Variants in XKR9 observed in about 807,000 individuals in gnomAD.
XKR9 encodes XK related 9.
In XKR9, 32 loss-of-function variants were observed where a neutral mutation model predicts 32.0. That is an observed-to-expected ratio of 1.00 (90% CI 0.76 to 1.34). The LOEUF (loss-of-function observed/expected upper bound fraction) is 1.34. Ranked by LOEUF, XKR9 falls within the 40% of genes most tolerant of loss-of-function variation. The pLI is 0.00. For missense variants in XKR9, 546 were observed against 429.7 expected (o/e 1.27, Z -2.39); for synonymous variants, 168 against 143.4 (o/e 1.17, Z -1.22).
chr8:70,678,502 C>T (rs1048318486), intron 2 of XKR9, among the ~76,000 whole-genome samples: 1 of 152,096 alleles, frequency 6.6e-6, no homozygotes, highest in Non-Finnish European at 1.5e-5. Context: ...TCCAGGAAAG[C>T]CTAAAACAGC....
chr8:70,804,128 C>G, the XKR9 span, among the ~76,000 whole-genome samples: 1 of 152,220 alleles, frequency 6.6e-6, no homozygotes, highest in Non-Finnish European at 1.5e-5. Flanking sequence ...GCAGGTATAT[C>G]CTGGGACATT....
the XKR9 span, among the ~76,000 whole-genome samples, chr8:70,856,824 C>A: frequency 6.6e-6 from 1 of 152,162 alleles, no homozygotes; most frequent in Non-Finnish European, 1.5e-5. Flanking sequence ...GAAACTCACT[C>A]AAAGCCGCTC....
chr8:70,717,928 C>T (rs956882552), intron 4 of XKR9, among the ~76,000 whole-genome samples: 19 of 152,234 alleles, frequency 1.2e-4, no homozygotes, highest in Admixed American at 3.9e-4. Context: ...GTTCAAAGTC[C>T]CACAGATCTC....
the XKR9 span, among the ~76,000 whole-genome samples, chr8:70,838,986 A>G: frequency 4.6e-5 from 7 of 151,710 alleles, no homozygotes; most frequent in South Asian, 2.1e-4. Context: ...TCAGCTCTCT[A>G]ATATATTTGC....
the XKR9 span, among the ~76,000 whole-genome samples, chr8:71,004,935 C>T: frequency 6.7e-6 from 1 of 148,522 alleles, no homozygotes; most frequent in Non-Finnish European, 1.5e-5. Context: ...GGGCTCAAAA[C>T]AGTTCAGCTT....
the XKR9 span, among the ~76,000 whole-genome samples, chr8:71,013,165 G>A: frequency 1.3e-5 from 2 of 152,190 alleles, no homozygotes; most frequent in African/African-American, 2.4e-5. Context: ...TGCCTAAGAA[G>A]TGAGGAGCAG....
At chr8:70,673,212 T>C (rs1367430030) in intron 1 of XKR9, among the ~76,000 whole-genome samples, 1 of 152,214 alleles carries the variant, frequency 6.6e-6, no homozygotes, top group Non-Finnish European at 1.5e-5. Context: ...GTTTAATCCT[T>C]CTTGAGTTGG....
At chr8:70,699,855 C>T (rs1279558035) in intron 3 of XKR9, among the ~76,000 whole-genome samples, 1 of 152,142 alleles carries the variant, frequency 6.6e-6, no homozygotes, top group Non-Finnish European at 1.5e-5. Flanking sequence ...CACATAGTCC[C>T]ATATTTCTTG....
the XKR9 span, among the ~76,000 whole-genome samples, chr8:70,924,807 C>T: frequency 1.3e-5 from 2 of 152,218 alleles, no homozygotes; most frequent in Non-Finnish European, 2.9e-5. Flanking sequence ...TACATTTCTG[C>T]AAACTTCCTT....
chr8:70,744,744 T>A (rs1192290171), intron 2 of XKR9, among the ~76,000 whole-genome samples: 1 of 152,092 alleles, frequency 6.6e-6, no homozygotes, highest in Non-Finnish European at 1.5e-5. Flanking sequence ...TAGCTGGGAC[T>A]ACAGGTGTGC....
At chr8:70,989,985 G>T in the XKR9 span, among the ~76,000 whole-genome samples, 2 of 152,082 alleles carry the variant, frequency 1.3e-5, no homozygotes, top group Non-Finnish European at 2.9e-5. Context: ...TGCCCTTAAG[G>T]TTCATCCATG....
the XKR9 span, among the ~76,000 whole-genome samples, chr8:70,950,733 G>A: frequency 6.6e-6 from 1 of 151,910 alleles, no homozygotes; most frequent in South Asian, 2.1e-4. Context: ...GGGTGCAGTG[G>A]TGTGATCTAA....
At chr8:70,805,885 CCCT>C in the XKR9 span, among the ~76,000 whole-genome samples, 1 of 152,140 alleles carries the variant, frequency 6.6e-6, no homozygotes, top group African/African-American at 2.4e-5. Context: ...GAAGCACACC[CCCT>C]CCACCAAGGG....
the XKR9 span, among the ~76,000 whole-genome samples, chr8:70,865,541 T>C: frequency 6.6e-6 from 1 of 152,154 alleles, no homozygotes; most frequent in African/African-American, 2.4e-5. Flanking sequence ...AAAGTTTTGT[T>C]TTCTGCAATT....
At chr8:70,848,695 T>A in the XKR9 span, among the ~76,000 whole-genome samples, 17 of 146,542 alleles carry the variant, frequency 1.2e-4, no homozygotes, top group Non-Finnish European at 1.8e-4. Context: ...AAGATCCATC[T>A]CACATGCAAA....
intron 2 of XKR9, among the ~76,000 whole-genome samples, chr8:70,758,346 T>C (rs974351179): frequency 1.3e-5 from 2 of 152,190 alleles, no homozygotes; most frequent in African/African-American, 2.4e-5. Context: ...TATTGCTCTA[T>C]TGTTTATAAT....
rs2132086457 is a variant in XKR9 at position 70,669,446 on chromosome 8, G to A, written c.-453G>A. Reference sequence around the variant, plus strand: ...GGAATCTGCCTCTGTCACGGGGGCTGGTGCCTCACGGGTTTGTGTCCTAGA... The same window carrying A: ...GGAATCTGCCTCTGTCACGGGGGCTAGTGCCTCACGGGTTTGTGTCCTAGA... On this transcript the variant is annotated 5_prime_UTR_variant, in exon 1 of 5. Transcript: ENST00000408926. The A allele has an allele frequency of 6.1e-6, 2 of 329,448 alleles. No individual in the cohort carries two copies. Among genetic ancestry groups the A allele is most frequent in the East Asian group, 8.3e-5 (1 of 11,988 alleles). 20.4% of individuals were successfully genotyped at this position (329,448 alleles called of 1,614,324 possible). A position where few individuals can be genotyped will look rare whatever the true frequency, so the allele number is the denominator to read the frequency against.
At chr8:71,065,281 G>T in the XKR9 span, among the ~76,000 whole-genome samples, 1 of 152,146 alleles carries the variant, frequency 6.6e-6, no homozygotes, top group Non-Finnish European at 1.5e-5. Context: ...TAAGAGTGGG[G>T]TTCTAATCTG....
At chr8:70,846,403 G>A in the XKR9 span, among the ~76,000 whole-genome samples, 1 of 151,724 alleles carries the variant, frequency 6.6e-6, no homozygotes, top group Admixed American at 6.6e-5. Context: ...GAAGAGAAAG[G>A]ACTCAAATAT....
Sources: allele counts gnomAD v4.1 joint callset (sites outside exome capture counted in the v4.1 genomes callset), GRCh38; gene constraint gnomAD v4.1.1; transcripts MANE v1.5; gene names NCBI Gene and HGNC (gene_info 2026-07-23, HGNC 2026-07-21).